Variants in EMSY observed in about 807,000 individuals in gnomAD.
EMSY encodes the protein EMSY transcriptional repressor, BRCA2 interacting.
Under a neutral mutation model 134.6 loss-of-function variants are expected in EMSY, and 26 were observed. The ratio of observed to expected loss-of-function variants is 0.19; its 90% CI spans 0.14 to 0.27. The LOEUF is 0.27. Ranked by LOEUF, EMSY falls within the 10% of genes least tolerant of loss-of-function variation. The pLI is 1.00. For missense variants in EMSY, 1,305 were observed against 1,611.4 expected (o/e 0.81, Z 3.26); for synonymous variants, 579 against 577.8 (o/e 1.00, Z -0.03).
intron 9 of EMSY, among the ~76,000 whole-genome samples, chr11:76,510,359 A>G (rs935374183): frequency 2.6e-5 from 4 of 152,218 alleles, no homozygotes; most frequent in African/African-American, 9.7e-5. Flanking sequence ...AAAATTAATT[A>G]ATATAGTATA....
chr11:76,448,370 T>TA (rs1251043184), intron 2 of EMSY, among the ~76,000 whole-genome samples: 1 of 151,950 alleles, frequency 6.6e-6, no homozygotes, highest in Non-Finnish European at 1.5e-5. Flanking sequence ...AATCTGAAGA[T>TA]AGTTTTCTAC....
At chr11:76,523,017 A>G (rs954356567) in intron 11 of EMSY, 138 bp from the exon 13 acceptor site, 7 of 823,638 alleles carry the variant, frequency 8.5e-6, no homozygotes, top group Non-Finnish European at 1.3e-5. Flanking sequence ...CCAAGCCTTC[A>G]TTTTCATCAT....
chr11:76,499,477 C>T (rs908179991), intron 9 of EMSY, among the ~76,000 whole-genome samples: 43 of 151,198 alleles, frequency 2.8e-4, no homozygotes, highest in Non-Finnish European at 5.2e-4. Context: ...TTAGTAGAGA[C>T]GGGGTTTCAC....
At position 76,493,068 on chromosome 11, in the gene EMSY, C is replaced by A. The variant is rs182009316; in HGVS notation, c.1109-3147C>A. 2.9e-3 allele frequency among the ~76,000 whole-genome samples: 438 copies of A among 152,242 alleles called. 2 individuals carry two copies. The highest frequency in any genetic ancestry group is 9.9e-3 in the African/African-American group (413 of 41,548). On this transcript the variant is annotated intron_variant, in intron 8 of 20. Transcript: ENST00000334736. ...GCTCTCAGGGGCCAGGGAAGCCCCC[C>A]CTTCCCTTGCAGTCTCCGAAGTGCC...
chr11:76,505,752 G>A (rs1453365781), intron 9 of EMSY, among the ~76,000 whole-genome samples: 4 of 152,042 alleles, frequency 2.6e-5, no homozygotes, highest in African/African-American at 9.7e-5. Flanking sequence ...AGCTACTTGG[G>A]AGGCTGAGGC....
intron 11 of EMSY, among the ~76,000 whole-genome samples, chr11:76,521,487 G>A (rs1196415544): frequency 6.6e-6 from 1 of 152,180 alleles, no homozygotes; most frequent in Non-Finnish European, 1.5e-5. Context: ...AACAGGCCAA[G>A]CCTGGTGGCT....
intron 8 of EMSY, among the ~76,000 whole-genome samples, chr11:76,474,463 C>T (rs371165862): frequency 1.3e-5 from 2 of 152,206 alleles, no homozygotes; most frequent in African/African-American, 4.8e-5. Flanking sequence ...AATGCAAGCA[C>T]TCAAGTAGGA....
chr11:76,506,973 G>A lies in EMSY; in HGVS notation c.1364-6413G>A, dbSNP rs1590927018. ...ATTCATTACATAAATTACGATTCTG[G>A]CGTACTTTATAGAGTTTACAGGTTC... is the stretch of plus-strand genomic sequence containing the variant. On this transcript the variant is annotated intron_variant, in intron 9 of 20. Coordinates refer to ENST00000334736, the Ensembl canonical transcript of EMSY. Among the ~76,000 whole-genome samples the A allele has an allele frequency of 3.9e-5, 6 of 152,226 alleles. No homozygotes were observed. In the South Asian group the frequency reaches 1.2e-3, roughly 32 times the overall value.
chr11:76,527,266 A>G (rs140169705), intron 13 of EMSY, among the ~76,000 whole-genome samples: 1 of 152,214 alleles, frequency 6.6e-6, no homozygotes, highest in East Asian at 1.9e-4. Context: ...GTATTAATGT[A>G]CCTATAAACT....
intron 7 of EMSY, among the ~76,000 whole-genome samples, chr11:76,466,785 C>T (rs1241889153): frequency 6.6e-6 from 1 of 152,120 alleles, no homozygotes; most frequent in African/African-American, 2.4e-5. Flanking sequence ...GTCAAGAGTC[C>T]TGGGTTAGAA....
At chr11:76,499,865 G>A (rs1213608092) in intron 9 of EMSY, among the ~76,000 whole-genome samples, 2 of 151,828 alleles carry the variant, frequency 1.3e-5, no homozygotes, top group African/African-American at 4.8e-5. Flanking sequence ...ACCAGCCTGG[G>A]CAATATAACA....
chr11:76,484,260 G>A (rs1949093462), intron 8 of EMSY, among the ~76,000 whole-genome samples: 3 of 152,312 alleles, frequency 2.0e-5, no homozygotes, highest in Admixed American at 6.5e-5. Flanking sequence ...AGTGTTTAGA[G>A]GGAAATTTAT....
At chr11:76,515,839 CTAG>C (rs907294668) in intron 10 of EMSY, among the ~76,000 whole-genome samples, 31 of 152,260 alleles carry the variant, frequency 2.0e-4, no homozygotes, top group African/African-American at 6.3e-4. Flanking sequence ...TGGCATAAAA[CTAG>C]TAGAAGAAGG....
At chr11:76,450,052 A>C (rs1478133747) in intron 2 of EMSY, among the ~76,000 whole-genome samples, 3 of 107,498 alleles carry the variant, frequency 2.8e-5, no homozygotes, top group Non-Finnish European at 5.3e-5. Context: ...TCTTTTGTAC[A>C]TTTGCTTTTT....
chr11:76,524,028 C>T (rs765361705), intron 12 of EMSY, among the ~76,000 whole-genome samples: 1 of 152,014 alleles, frequency 6.6e-6, no homozygotes, highest in African/African-American at 2.4e-5. Context: ...CCAGACTGGG[C>T]AACAGAGTGA....
At chr11:76,445,793 T>C (rs960439709) in intron 1 of EMSY, among the ~76,000 whole-genome samples, 1 of 152,174 alleles carries the variant, frequency 6.6e-6, no homozygotes, top group African/African-American at 2.4e-5. Context: ...GGGGACTGGC[T>C]TGTGGAGGGA....
At chr11:76,455,557 C>T (rs1363118124) in intron 4 of EMSY, among the ~76,000 whole-genome samples, 1 of 152,076 alleles carries the variant, frequency 6.6e-6, no homozygotes, top group East Asian at 1.9e-4. Context: ...CCTCCCCTCC[C>T]CTCCCCCCAC....
intron 8 of EMSY, among the ~76,000 whole-genome samples, chr11:76,477,054 T>C (rs978487288): frequency 1.3e-5 from 2 of 152,062 alleles, no homozygotes; most frequent in African/African-American, 4.8e-5. Flanking sequence ...CAGAAAATCC[T>C]GATTCCTAAT....
At chr11:76,467,157 T>C (rs1948385171) in intron 7 of EMSY, among the ~76,000 whole-genome samples, 1 of 152,370 alleles carries the variant, frequency 6.6e-6, no homozygotes, top group African/African-American at 2.4e-5. Context: ...AGATAATCTT[T>C]CTGAATGTCA....
Sources: gnomAD v4.1 joint callset for allele counts (sites outside exome capture counted in the v4.1 genomes callset) on GRCh38, gnomAD v4.1.1 for gene constraint, MANE v1.5 for transcripts, NCBI Gene and HGNC (gene_info 2026-07-23, HGNC 2026-07-21) for gene names.